Variants in PALS2 observed in about 807,000 individuals in gnomAD.
PALS2 encodes protein PALS2.
Under a neutral mutation model 61.6 loss-of-function variants are expected in PALS2, and 27 were observed. That is an observed-to-expected ratio of 0.44 (90% CI 0.32 to 0.60). The LOEUF is 0.60. Among genes scored for constraint, PALS2 ranks in the 20% least tolerant of loss-of-function variants. PALS2 has a pLI of 0.05. For missense variants in PALS2, 554 were observed against 639.4 expected (o/e 0.87, Z 1.44); for synonymous variants, 236 against 218.6 (o/e 1.08, Z -0.70).
intron 1 of PALS2, among the ~76,000 whole-genome samples, chr7:24,606,601 GT>G (rs200961041): frequency 2.7e-5 from 4 of 150,938 alleles, no homozygotes; most frequent in East Asian, 1.9e-4. Context: ...ATTTAATTAG[GT>G]TTTTTTTTGT....
intron 6 of PALS2, among the ~76,000 whole-genome samples, chr7:24,664,392 A>T (rs1261082737): frequency 6.6e-6 from 1 of 152,148 alleles, no homozygotes; most frequent in Non-Finnish European, 1.5e-5. Context: ...GTAATGGTTT[A>T]TGTTAGCTAA....
At chr7:24,651,132 G>A (rs1786129866) in intron 5 of PALS2, among the ~76,000 whole-genome samples, 1 of 152,154 alleles carries the variant, frequency 6.6e-6, no homozygotes, top group African/African-American at 2.4e-5. Flanking sequence ...CCAGAAAAGA[G>A]GATGGGTATA....
intron 1 of PALS2, among the ~76,000 whole-genome samples, chr7:24,585,963 T>C (rs11761560): frequency 0.22 from 32,957 of 152,074 alleles, 5,104 homozygotes; most frequent in East Asian, 0.67. Context: ...GTTCCCTCTT[T>C]TGCAAATTAT....
chr7:24,587,133 T>G (rs1163066179), intron 1 of PALS2, among the ~76,000 whole-genome samples: 1 of 152,022 alleles, frequency 6.6e-6, no homozygotes, highest in Non-Finnish European at 1.5e-5. Flanking sequence ...AAGTTAATAC[T>G]AAAGGATGGA....
rs1160935892 is a variant in PALS2 at position 24,688,112 on chromosome 7, G to A, written c.*498G>A. 1 of 152,362 alleles carries A rather than the reference G, an allele frequency of 6.6e-6. No individual in the cohort carries two copies. The highest frequency in any genetic ancestry group is 2.4e-5 in the African/African-American group (1 of 41,434). 9.4% of individuals were successfully genotyped at this position (152,362 alleles called of 1,614,324 possible). A position where few individuals can be genotyped will look rare whatever the true frequency, so the allele number is the denominator to read the frequency against. On this transcript the variant is annotated 3_prime_UTR_variant, in exon 12 of 12. Coordinates refer to ENST00000222644, the MANE Select transcript of PALS2 (RefSeq NM_001303037.2). ...ATTTCTTACAAAAGCAGAATTTTAA[G>A]TCAGTGTTATAGCTAGTCTACTACC...
intron 1 of PALS2, among the ~76,000 whole-genome samples, chr7:24,597,468 G>A (rs1053835522): frequency 5.9e-5 from 9 of 152,164 alleles, no homozygotes; most frequent in Admixed American, 5.9e-4. Flanking sequence ...GAAAAGTGTG[G>A]TGGGGAAAAG....
chr7:24,585,183 T>C (rs1248898371), intron 1 of PALS2, among the ~76,000 whole-genome samples: 3 of 152,170 alleles, frequency 2.0e-5, no homozygotes, highest in Non-Finnish European at 4.4e-5. Flanking sequence ...AAAGTAGTTT[T>C]TTCCAATTCT....
chr7:24,610,409 A>G (rs752144085), intron 1 of PALS2, among the ~76,000 whole-genome samples: 4 of 152,054 alleles, frequency 2.6e-5, no homozygotes. Context: ...TTTGGGGAAC[A>G]GATGGTTTGT....
rs781197516 is a variant in PALS2 at position 24,623,693 on chromosome 7, C to G, written c.26C>G (p.Thr9Arg). 12 of 1,599,132 alleles carry G rather than the reference C, an allele frequency of 7.5e-6. No individual in the cohort carries two copies. Among genetic ancestry groups the G allele is most frequent in the African/African-American group, 1.4e-5 (1 of 74,026 alleles). MQQVLENL[T>R]ELPSSTGAEE... ...ATGCAGCAAGTCTTGGAAAACCTTACGGAGCTGCCCTCGTCTACTGGAGCA... is the reference window on the plus strand; with the variant it reads ...ATGCAGCAAGTCTTGGAAAACCTTAGGGAGCTGCCCTCGTCTACTGGAGCA... Residue 9 changes from threonine (T) to arginine (R), a missense_variant, in exon 2 of 12, where the codon ACG (threonine) becomes AGG (arginine). By Grantham distance (71) the Thr-to-Arg change is moderately conservative. Coordinates refer to ENST00000222644, the MANE Select transcript of PALS2 (RefSeq NM_001303037.2).
At chr7:24,608,568 A>G (rs534406141) in intron 1 of PALS2, among the ~76,000 whole-genome samples, 80 of 152,054 alleles carry the variant, frequency 5.3e-4, no homozygotes, top group Non-Finnish European at 1.0e-3. Flanking sequence ...AGCAGTTTCA[A>G]CTTTATTCTG....
chr7:24,670,500 T>C (rs796335034), intron 9 of PALS2, among the ~76,000 whole-genome samples: 25 of 152,316 alleles, frequency 1.6e-4, no homozygotes, highest in African/African-American at 6.0e-4. Flanking sequence ...TCTTTCTCTT[T>C]CTTGGTTTAT....
intron 11 of PALS2, among the ~76,000 whole-genome samples, chr7:24,685,328 G>GT (rs543123770): frequency 1.1e-3 from 166 of 152,180 alleles, no homozygotes; most frequent in East Asian, 3.1e-3. Flanking sequence ...AAATTTTGTT[G>GT]TATAATTCTA....
intron 9 of PALS2, 68 bp from the exon 10 acceptor site, chr7:24,679,063 T>G (rs553939488): frequency 2.1e-6 from 3 of 1,408,426 alleles, no homozygotes; most frequent in African/African-American, 2.8e-5. Flanking sequence ...AGCCACCCTA[T>G]GTATTTTAGT....
chr7:24,605,934 T>G (rs1185097155), intron 1 of PALS2, among the ~76,000 whole-genome samples: 1 of 152,074 alleles, frequency 6.6e-6, no homozygotes, highest in Non-Finnish European at 1.5e-5. Context: ...ATATAAAAGA[T>G]TTTATTAGGT....
At chr7:24,646,571 T>C (rs1583938378) in intron 3 of PALS2, among the ~76,000 whole-genome samples, 1 of 152,338 alleles carries the variant, frequency 6.6e-6, no homozygotes, top group East Asian at 1.9e-4. Flanking sequence ...TTGTTGAGGA[T>C]TTTGACATTA....
chr7:24,619,516 G>C (rs1784412857), intron 1 of PALS2, among the ~76,000 whole-genome samples: 2 of 152,018 alleles, frequency 1.3e-5, no homozygotes, highest in Admixed American at 1.3e-4. Context: ...AGGGGATGGA[G>C]ACCATCCTGG....
chr7:24,619,133 C>G (rs925684882), intron 1 of PALS2, among the ~76,000 whole-genome samples: 1 of 152,114 alleles, frequency 6.6e-6, no homozygotes, highest in African/African-American at 2.4e-5. Context: ...CTTTCGTGAT[C>G]CATAATAGTT....
intron 7 of PALS2, 34 bp downstream of exon 7, chr7:24,665,721 C>A (rs1169518773): frequency 1.3e-5 from 20 of 1,552,570 alleles, no homozygotes; most frequent in Non-Finnish European, 1.7e-5. Flanking sequence ...AACAAGCAGT[C>A]CTTTGTGACC....
chr7:24,623,881 C>CA lies in PALS2; in HGVS notation c.117+98dup, dbSNP rs1329529491. ...ACTATTTTAGAATTTGGTTGATATA[C>CA]ATTAGGTTTAGTTAGCAAATAAAAA... On this transcript the variant is annotated intron_variant, in intron 2 of 11. Transcript: ENST00000222644. 3.3e-5 allele frequency: 35 copies of CA among 1,055,516 alleles called. No homozygotes were observed. In the East Asian group the frequency reaches 9.0e-4, roughly 27 times the overall value. The allele number at this position is 1,055,516 out of a possible 1,614,324, so 65.4% of individuals were successfully genotyped here.
Sources: allele counts gnomAD v4.1 joint callset (sites outside exome capture counted in the v4.1 genomes callset), GRCh38; gene constraint gnomAD v4.1.1; transcripts MANE v1.5; gene names NCBI Gene and HGNC (gene_info 2026-07-23, HGNC 2026-07-21).